Variants in CSF1R observed in about 807,000 individuals in gnomAD.
CSF1R encodes the protein macrophage colony-stimulating factor 1 receptor.
Under a neutral mutation model 110.0 loss-of-function variants are expected in CSF1R, and 40 were observed. That is an observed-to-expected ratio of 0.36 (90% confidence interval 0.28 to 0.47). The LOEUF (loss-of-function observed/expected upper bound fraction) is 0.47. CSF1R is among the 20% of genes least tolerant of loss of function. The pLI, the probability that CSF1R is intolerant of heterozygous loss-of-function variation, is 0.99. For missense variants in CSF1R, 1,052 were observed against 1,253.0 expected (o/e 0.84, Z 2.42); for synonymous variants, 523 against 503.4 (o/e 1.04, Z -0.52).
chr5:150,069,568 A>G (rs1417528565), intron 9 of CSF1R, among the ~76,000 whole-genome samples: 2 of 152,102 alleles, frequency 1.3e-5, no homozygotes, highest in African/African-American at 4.8e-5. Context: ...ACGGTGCATA[A>G]TGCCTGCACA....
intron 13 of CSF1R, among the ~76,000 whole-genome samples, chr5:150,060,367 T>TA (rs1246502249): frequency 1.3e-5 from 2 of 151,096 alleles, no homozygotes; most frequent in Non-Finnish European, 1.5e-5. Context: ...AAGACAACCT[T>TA]AAAAAAAATG....
intron 14 of CSF1R, 81 bp from the exon 15 acceptor site, chr5:150,057,673 C>T (rs1383787526): frequency 5.9e-6 from 6 of 1,011,188 alleles, no homozygotes; most frequent in Admixed American, 1.9e-5. Flanking sequence ...CACCCACCAC[C>T]CCATGGTCAA....
In CSF1R at chr5:150,080,692, G is replaced by A. The variant is rs1002080511; in HGVS notation, c.307+75C>T. On this transcript the variant is annotated intron_variant, in intron 2 of 20. Transcript: ENST00000675795. ...AGTAAATGCAGAGCTGAATTGTTAC[G>A]ATTGTTAATTTTAGGGCCCATTGTA... 25 of 1,566,440 alleles carry A rather than the reference G, an allele frequency of 1.6e-5. No individual in the cohort carries two copies. The Admixed American group carries it at 2.8e-4, about 17-fold the overall frequency.
chr5:150,090,120 A>G (rs1758992666), upstream of CSF1R, among the ~76,000 whole-genome samples: 1 of 152,218 alleles, frequency 6.6e-6, no homozygotes, highest in African/African-American at 2.4e-5. Flanking sequence ...GGAATTGGAA[A>G]TGATTTCTCA....
chr5:150,105,401 A>G (rs1400010779), intron 1 of CSF1R, among the ~76,000 whole-genome samples: 1 of 137,738 alleles, frequency 7.3e-6, no homozygotes, highest in African/African-American at 2.7e-5. Flanking sequence ...TTTTTTTAAT[A>G]GAGGCGGGGT....
chr5:150,107,856 C>T (rs1443904331), intron 1 of CSF1R, among the ~76,000 whole-genome samples: 1 of 152,208 alleles, frequency 6.6e-6, no homozygotes. Flanking sequence ...GAAGGGCATG[C>T]AACAGATATT....
intron 1 of CSF1R, among the ~76,000 whole-genome samples, chr5:150,099,003 C>G (rs1001781161): frequency 1.3e-5 from 2 of 150,592 alleles, no homozygotes; most frequent in African/African-American, 4.9e-5. Flanking sequence ...AAGCGATTCT[C>G]CTGCCTCAAC....
chr5:150,080,121 A>T lies in CSF1R; in HGVS notation c.523T>A (p.Tyr175Asn). The change falls in exon 3 of 21, where the codon TAT (tyrosine) becomes AAT (asparagine). Residue 175 changes from tyrosine to asparagine, a missense_variant. This residue lies in a region of CSF1R where 693 missense variants were observed against 735.4 expected (regional missense o/e 0.94). Transcript: ENST00000675795. ...CCACCCATCAGGGCACTGCATTGATAGTCCTGGCTCTGAATGAACTTGGCC... is the reference window on the plus strand; with the variant it reads ...CCACCCATCAGGGCACTGCATTGATTGTCCTGGCTCTGAATGAACTTGGCC... ...HRAKFIQSQD[Y>N]QCSALMGGRK... is the part of the protein sequence containing the mutation. 6.2e-7 allele frequency: 1 copy of T among 1,614,174 alleles called. No individual in the cohort carries two copies. The highest frequency in any genetic ancestry group is 8.5e-7 in the Non-Finnish European group (1 of 1,180,028).
At position 150,056,155 on chromosome 5, in the gene CSF1R, A is replaced by G. The variant is rs1561904850; in HGVS notation, c.2443-18T>C. 6.2e-7 allele frequency: 1 copy of G among 1,614,118 alleles called. No individual in the cohort carries two copies. Among genetic ancestry groups the G allele is most frequent in the African/African-American group, 1.3e-5 (1 of 75,058 alleles). ...AGGCGGGCCTGGGATGACAGTCCCCAGTTATTTTGGGCCCCGACTCTTCAC... is the reference window on the plus strand; with the variant it reads ...AGGCGGGCCTGGGATGACAGTCCCCGGTTATTTTGGGCCCCGACTCTTCAC... On this transcript the variant is annotated intron_variant, in intron 17 of 20. Transcript: ENST00000675795.
chr5:150,063,547 T>C (rs1296593236), intron 10 of CSF1R, among the ~76,000 whole-genome samples: 1 of 151,822 alleles, frequency 6.6e-6, no homozygotes, highest in Non-Finnish European at 1.5e-5. Flanking sequence ...AGAGAGACGC[T>C]GCCCACTAGA....
At chr5:150,068,498 A>G (rs1409411228) in intron 9 of CSF1R, among the ~76,000 whole-genome samples, 168 bp from the exon 10 acceptor site, 11 of 152,102 alleles carry the variant, frequency 7.2e-5, no homozygotes, top group Admixed American at 7.2e-4. Context: ...ACCCTCCCCG[A>G]GAAAGGCAGA....
chr5:150,064,283 CCT>C (rs1319113435), intron 10 of CSF1R, among the ~76,000 whole-genome samples: 1 of 152,230 alleles, frequency 6.6e-6, no homozygotes, highest in African/African-American at 2.4e-5. Flanking sequence ...ACGTCTATCC[CCT>C]GAATCAAAAA....
Position 150,080,111 on chromosome 5 carries a change from C to G in CSF1R, c.533G>C (p.Ser178Thr), listed in dbSNP as rs1228085120. The G allele has an allele frequency of 9.9e-6, 16 of 1,614,218 alleles. No individual in the cohort carries two copies. The highest frequency in any genetic ancestry group is 1.4e-5 in the Non-Finnish European group (16 of 1,180,056). The change falls in exon 3 of 21, where the codon AGT becomes ACT. Residue 178 changes from serine (S) to threonine (T), a missense_variant. Coordinates refer to ENST00000675795, the MANE Select transcript of CSF1R (RefSeq NM_001288705.3). Reference protein sequence around the residue: ...KFIQSQDYQCSALMGGRKVMS... With the variant: ...KFIQSQDYQCTALMGGRKVMS... Reference sequence around the variant, plus strand: ...CACCTTCCTGCCACCCATCAGGGCACTGCATTGATAGTCCTGGCTCTGAAT... The same window carrying G: ...CACCTTCCTGCCACCCATCAGGGCAGTGCATTGATAGTCCTGGCTCTGAAT...
chr5:150,085,852 A>C (rs901131936), intron 1 of CSF1R, among the ~76,000 whole-genome samples: 1 of 151,968 alleles, frequency 6.6e-6, no homozygotes, highest in African/African-American at 2.4e-5. Flanking sequence ...TGCCAGAGCC[A>C]TCAGGAGCTC....
chr5:150,092,802 C>A (rs1356590329), intron 1 of CSF1R, among the ~76,000 whole-genome samples: 1 of 152,134 alleles, frequency 6.6e-6, no homozygotes, highest in East Asian at 1.9e-4. Flanking sequence ...CACAGCCAAA[C>A]CATATCACCT....
At chr5:150,070,141 C>T (rs2113808805) in intron 8 of CSF1R, 41 bp downstream of exon 8, 1 of 1,609,712 alleles carries the variant, frequency 6.2e-7, no homozygotes, top group Non-Finnish European at 8.5e-7. Flanking sequence ...GGGTGCCCAG[C>T]CCCTGAGCCC....
intron 1 of CSF1R, among the ~76,000 whole-genome samples, chr5:150,084,351 G>GA (rs1215862325): frequency 2.6e-4 from 7 of 26,892 alleles, no homozygotes; most frequent in Non-Finnish European, 4.0e-4. Context: ...AAAAAAGAAA[G>GA]AAAGAAAGAA....
At chr5:150,112,063 A>C (rs1249592819) in intron 1 of CSF1R, among the ~76,000 whole-genome samples, 2 of 152,140 alleles carry the variant, frequency 1.3e-5, no homozygotes, top group African/African-American at 4.8e-5. Flanking sequence ...TTGTAGCTCT[A>C]CGTTAACCTT....
intron 10 of CSF1R, 89 bp from the exon 11 acceptor site, chr5:150,061,938 C>A (rs2113793358): frequency 1.3e-6 from 2 of 1,587,650 alleles, no homozygotes; most frequent in Non-Finnish European, 1.7e-6. Context: ...GGGGTGTGGG[C>A]AGTCCCAAGG....
Sources: gnomAD v4.1 joint callset for allele counts (sites outside exome capture counted in the v4.1 genomes callset) on GRCh38, gnomAD v4.1.1 for gene constraint, gnomAD v4.1.1 regional missense constraint, MANE v1.5 for transcripts, NCBI Gene and HGNC (gene_info 2026-07-23, HGNC 2026-07-21) for gene names.